Variants in CCDC91 observed in about 807,000 individuals in gnomAD.
CCDC91 encodes coiled-coil domain containing 91.
In CCDC91, 48 loss-of-function variants were observed where a neutral mutation model predicts 63.2. That is an observed-to-expected ratio of 0.76 (90% CI 0.60 to 0.97). The LOEUF is 0.97. Among genes scored for constraint, CCDC91 ranks in the 50% least tolerant of loss-of-function variants. The pLI is 0.00. For synonymous variants in CCDC91, 167 were observed against 165.8 expected (o/e 1.01, Z -0.06); for missense variants, 500 against 494.6 (o/e 1.01, Z -0.10).
intron 6 of CCDC91, among the ~76,000 whole-genome samples, chr12:28,333,216 A>C (rs1941651069): frequency 6.8e-6 from 1 of 146,880 alleles, no homozygotes; most frequent in South Asian, 2.1e-4. Context: ...TAACATGGTG[A>C]AACCCTGTCT....
chr12:28,339,781 T>A (rs1157748568), intron 6 of CCDC91, among the ~76,000 whole-genome samples: 2 of 152,130 alleles, frequency 1.3e-5, no homozygotes, highest in Admixed American at 1.3e-4. Context: ...TGAGAAGCAG[T>A]GCCCAACCAC....
intron 8 of CCDC91, among the ~76,000 whole-genome samples, chr12:28,411,415 A>G (rs1203516586): frequency 6.6e-6 from 1 of 152,218 alleles, no homozygotes; most frequent in Non-Finnish European, 1.5e-5. Flanking sequence ...AACAAACACA[A>G]AAATGATCTT....
rs531093673 is a variant in CCDC91, at chr12:28,404,643, T to G, written c.762+13232T>G. On this transcript the variant is annotated intron_variant, in intron 8 of 12. Transcript: ENST00000536442. ...TATTTTATTTTTCCTTGCAGTTTTG[T>G]AAGTGTTTGCCTCATGCATTTTGCT... is the stretch of plus-strand genomic sequence containing the variant. Among the ~76,000 whole-genome samples the G allele has an allele frequency of 3.9e-5, 6 of 152,250 alleles. No individual in the cohort carries two copies. In the South Asian group the frequency reaches 1.2e-3, roughly 32 times the overall value.
At chr12:28,329,099 TAAAG>T (rs1452943962) in intron 6 of CCDC91, among the ~76,000 whole-genome samples, 17 of 152,222 alleles carry the variant, frequency 1.1e-4, no homozygotes, top group African/African-American at 4.1e-4. Flanking sequence ...GAATGGAAAA[TAAAG>T]AAGTCTTCCT....
intron 1 of CCDC91, among the ~76,000 whole-genome samples, chr12:28,205,049 A>G (rs939298115): frequency 1.3e-5 from 2 of 152,132 alleles, no homozygotes; most frequent in African/African-American, 4.8e-5. Context: ...GAGTGCCTAG[A>G]TTGCCTGTTG....
intron 12 of CCDC91, among the ~76,000 whole-genome samples, chr12:28,486,172 C>T (rs1421468765): frequency 6.6e-6 from 1 of 152,140 alleles, no homozygotes; most frequent in Non-Finnish European, 1.5e-5. Context: ...ATCCACCAGT[C>T]CACTCTGATT....
At chr12:28,453,389 A>G (rs1225924133) in intron 11 of CCDC91, among the ~76,000 whole-genome samples, 5 of 152,064 alleles carry the variant, frequency 3.3e-5, no homozygotes, top group Non-Finnish European at 7.4e-5. Flanking sequence ...TAAATATACT[A>G]CAATTGTTCA....
At chr12:28,235,032 G>A (rs1420107985) in intron 1 of CCDC91, among the ~76,000 whole-genome samples, 1 of 152,104 alleles carries the variant, frequency 6.6e-6, no homozygotes, top group Non-Finnish European at 1.5e-5. Flanking sequence ...CTGTCTTCAT[G>A]TGCTCTCTCC....
At chr12:28,403,818 T>A (rs193067076) in intron 8 of CCDC91, among the ~76,000 whole-genome samples, 28 of 152,264 alleles carry the variant, frequency 1.8e-4, no homozygotes, top group African/African-American at 6.7e-4. Flanking sequence ...CATACAGTTG[T>A]CCGTAGTATT....
Position 28,306,800 on chromosome 12 carries a change from A to C in CCDC91, c.326A>C (p.Asp109Ala), listed in dbSNP as rs201165257. Residue 109 changes from aspartate to alanine, a missense_variant, in exon 5 of 13, where the codon GAT (aspartate) becomes GCT (alanine). By Grantham distance (126) the Asp-to-Ala change is moderately radical. Coordinates refer to ENST00000536442, the MANE Select transcript of CCDC91 (RefSeq NM_018318.5). ...DISLFPLGLT[D>A]EKSNGTIALV... ...TCACTTTTTCCATTGGGTTTAACTG[A>C]TGAAAAAAGTAATGGAACAATTGCC... The C allele has an allele frequency of 9.0e-5, 145 of 1,612,074 alleles. 1 individual carries two copies. Among genetic ancestry groups the C allele is most frequent in the East Asian group, 3.6e-4 (16 of 44,750 alleles).
At chr12:28,362,790 G>T (rs951650992) in intron 7 of CCDC91, among the ~76,000 whole-genome samples, 4 of 152,060 alleles carry the variant, frequency 2.6e-5, no homozygotes, top group African/African-American at 7.2e-5. Flanking sequence ...TATAGAATTA[G>T]TTGCTAGATT....
chr12:28,421,626 T>C (rs1164521579), intron 8 of CCDC91, among the ~76,000 whole-genome samples: 1 of 151,916 alleles, frequency 6.6e-6, no homozygotes, highest in Non-Finnish European at 1.5e-5. Flanking sequence ...GGCATTTAGG[T>C]TGATGAATCC....
At chr12:28,477,262 C>T (rs1951153121) in intron 11 of CCDC91, among the ~76,000 whole-genome samples, 1 of 152,116 alleles carries the variant, frequency 6.6e-6, no homozygotes, top group Non-Finnish European at 1.5e-5. Context: ...TATCAAAAAG[C>T]TTATCCACCA....
chr12:28,471,797 TG>T (rs1034024121), intron 11 of CCDC91, among the ~76,000 whole-genome samples: 4 of 150,608 alleles, frequency 2.7e-5, no homozygotes, highest in African/African-American at 7.3e-5. Flanking sequence ...TCACCCAGAC[TG>T]GAGTGCAGTG....
chr12:28,282,572 C>T (rs755903834), intron 3 of CCDC91, among the ~76,000 whole-genome samples: 1 of 152,090 alleles, frequency 6.6e-6, no homozygotes, highest in African/African-American at 2.4e-5. Context: ...GATAAACATA[C>T]ACTTGCAGAT....
intron 8 of CCDC91, among the ~76,000 whole-genome samples, chr12:28,396,809 A>G (rs1372357450): frequency 1.3e-5 from 2 of 152,044 alleles, no homozygotes; most frequent in Non-Finnish European, 2.9e-5. Context: ...TGAAATAGGC[A>G]ACTTAAGACA....
At chr12:28,504,124 C>A (rs1298945949) in intron 12 of CCDC91, among the ~76,000 whole-genome samples, 3 of 148,048 alleles carry the variant, frequency 2.0e-5, no homozygotes, top group Admixed American at 6.7e-5. Flanking sequence ...ACTCCAACTC[C>A]AAAAAAAAAT....
chr12:28,253,072 C>T (rs1245262312), intron 1 of CCDC91, among the ~76,000 whole-genome samples: 3 of 152,122 alleles, frequency 2.0e-5, no homozygotes, highest in African/African-American at 7.2e-5. Context: ...CTTCTTTTAA[C>T]CTTTATGCTG....
intron 1 of CCDC91, among the ~76,000 whole-genome samples, chr12:28,254,234 C>A (rs1413043517): frequency 6.6e-6 from 1 of 152,134 alleles, no homozygotes; most frequent in African/African-American, 2.4e-5. Flanking sequence ...TGAAAACTTT[C>A]AGCGTAGATT....
Sources: gnomAD v4.1 joint callset for allele counts (sites outside exome capture counted in the v4.1 genomes callset) on GRCh38, gnomAD v4.1.1 for gene constraint, MANE v1.5 for transcripts, NCBI Gene and HGNC (gene_info 2026-07-23, HGNC 2026-07-21) for gene names.